DCDC2: variants seen among roughly 807,000 people sequenced by gnomAD.
DCDC2 encodes the protein doublecortin domain containing 2.
In DCDC2, 40 loss-of-function variants were observed where a neutral mutation model predicts 50.2. The observed-to-expected ratio is 0.80, with a 90% CI of 0.62 to 1.04. The LOEUF (loss-of-function observed/expected upper bound fraction) is 1.04. DCDC2 is among the 50% of genes least tolerant of loss of function. The probability of loss-of-function intolerance (pLI) is 0.00; values close to 1 mark genes in which losing one functional copy is unlikely to be tolerated. For missense variants in DCDC2, 570 were observed against 581.9 expected (o/e 0.98, Z 0.21); for synonymous variants, 234 against 210.6 (o/e 1.11, Z -0.96).
At chr6:24,325,723 T>G (rs1225705562) in intron 2 of DCDC2, among the ~76,000 whole-genome samples, 3 of 149,520 alleles carry the variant, frequency 2.0e-5, no homozygotes, top group South Asian at 2.2e-4. Context: ...TCCCTCTCTC[T>G]TCTTCATCAC....
At chr6:24,310,053 AG>A (rs1759545310) in intron 2 of DCDC2, among the ~76,000 whole-genome samples, 1 of 152,248 alleles carries the variant, frequency 6.6e-6, no homozygotes, top group African/African-American at 2.4e-5. Context: ...ATATTAATCA[AG>A]TAAATTCAGA....
chr6:24,266,718 A>C (rs1024952173), intron 7 of DCDC2, among the ~76,000 whole-genome samples: 2 of 152,196 alleles, frequency 1.3e-5, no homozygotes, highest in African/African-American at 4.8e-5. Context: ...GTTGATGGGA[A>C]TGTAAATTAG....
chr6:24,310,007 G>A (rs914840533), intron 2 of DCDC2, among the ~76,000 whole-genome samples: 2 of 151,966 alleles, frequency 1.3e-5, no homozygotes, highest in African/African-American at 4.8e-5. Flanking sequence ...CAAGATATGG[G>A]TAGGTTAAAA....
chr6:24,314,200 T>C (rs1759622038), intron 2 of DCDC2, among the ~76,000 whole-genome samples: 2 of 152,180 alleles, frequency 1.3e-5, no homozygotes, highest in Admixed American at 1.3e-4. Flanking sequence ...GAGCCAGGCA[T>C]GGTGGCTCAT....
rs1202594230 is a variant in DCDC2 at position 24,357,355 on chromosome 6, C to T, written c.293+103G>A. 8.0e-6 allele frequency: 11 copies of T among 1,375,734 alleles called. 1 individual carries two copies. The highest frequency in any genetic ancestry group is 1.1e-5 in the Non-Finnish European group (11 of 1,025,982). 85.2% of individuals were successfully genotyped at this position (1,375,734 alleles called of 1,614,324 possible). A position where few individuals can be genotyped will look rare whatever the true frequency, so the allele number is the denominator to read the frequency against. On this transcript the variant is annotated intron_variant, in intron 1 of 9. Coordinates refer to ENST00000378454, the MANE Select transcript of DCDC2 (RefSeq NM_016356.5). Reference sequence around the variant, plus strand: ...TCAATCACACCGAGAAGTCACAGCCCCTCAACCACTGAGGTGTGGGGGGGT... The same window carrying T: ...TCAATCACACCGAGAAGTCACAGCCTCTCAACCACTGAGGTGTGGGGGGGT...
chr6:24,215,689 A>C (rs1389990059), intron 7 of DCDC2, among the ~76,000 whole-genome samples: 1 of 152,204 alleles, frequency 6.6e-6, no homozygotes, highest in Non-Finnish European at 1.5e-5. Flanking sequence ...ATTTCAAAGC[A>C]ATGAAATGGG....
At chr6:24,270,445 A>C (rs917521434) in intron 7 of DCDC2, among the ~76,000 whole-genome samples, 1 of 152,148 alleles carries the variant, frequency 6.6e-6, no homozygotes, top group Non-Finnish European at 1.5e-5. Flanking sequence ...TGTCACCATA[A>C]TATAGGTATA....
intron 7 of DCDC2, among the ~76,000 whole-genome samples, chr6:24,250,967 C>T (rs183474636): frequency 1.5e-4 from 23 of 152,214 alleles, no homozygotes; most frequent in Admixed American, 1.2e-3. Context: ...GTAACATAAA[C>T]GCCTTGAAAA....
At chr6:24,343,051 C>CTTTTTTT (rs11322032) in intron 2 of DCDC2, among the ~76,000 whole-genome samples, 2 of 124,110 alleles carry the variant, frequency 1.6e-5, no homozygotes, top group Non-Finnish European at 1.7e-5. Flanking sequence ...GGTAAATATT[C>CTTTTTTT]TTTTTTTTTT....
chr6:24,334,165 G>A lies in DCDC2; in HGVS notation c.348+19404C>T, dbSNP rs553641753. On this transcript the variant is annotated intron_variant, in intron 2 of 9. Transcript: ENST00000378454. The stretch of plus-strand genomic sequence containing the variant: ...TAATGTCTTCACTGGAAACTAGCTG[G>A]AACTAACATTGGACAAAGTATCATT... 2.7e-3 allele frequency among the ~76,000 whole-genome samples: 412 copies of A among 152,206 alleles called. 1 individual carries two copies. Among genetic ancestry groups the A allele is most frequent in the Non-Finnish European group, 4.4e-3 (300 of 68,014 alleles).
intron 7 of DCDC2, among the ~76,000 whole-genome samples, chr6:24,250,576 G>A (rs986422031): frequency 2.0e-5 from 3 of 152,120 alleles, no homozygotes; most frequent in Non-Finnish European, 2.9e-5. Flanking sequence ...AAAAGTTACT[G>A]ATGGTAACAT....
intron 7 of DCDC2, among the ~76,000 whole-genome samples, chr6:24,210,508 T>G (rs1246918410): frequency 1.3e-5 from 2 of 152,192 alleles, no homozygotes; most frequent in African/African-American, 4.8e-5. Context: ...GGCCTCAGTT[T>G]CTATATCCAT....
chr6:24,342,205 G>C (rs914748423), intron 2 of DCDC2, among the ~76,000 whole-genome samples: 3 of 152,208 alleles, frequency 2.0e-5, no homozygotes, highest in Non-Finnish European at 2.9e-5. Context: ...TGTCCGTCCA[G>C]GGTGCTATGC....
intron 6 of DCDC2, among the ~76,000 whole-genome samples, chr6:24,287,601 C>T (rs1485504027): frequency 2.0e-5 from 3 of 152,170 alleles, no homozygotes; most frequent in Admixed American, 6.5e-5. Flanking sequence ...CACAAGGGCC[C>T]GGTAAATGTC....
At chr6:24,305,023 T>A (rs1359008710) in intron 2 of DCDC2, among the ~76,000 whole-genome samples, 1 of 152,236 alleles carries the variant, frequency 6.6e-6, no homozygotes, top group Non-Finnish European at 1.5e-5. Context: ...GTTTAAAATC[T>A]TGTTGGGTTA....
chr6:24,318,318 G>C (rs1759709278), intron 2 of DCDC2, among the ~76,000 whole-genome samples: 1 of 152,098 alleles, frequency 6.6e-6, no homozygotes. Flanking sequence ...TGAAGTTGCA[G>C]TAAGGTGTGA....
chr6:24,334,504 AAT>A, intron 2 of DCDC2, among the ~76,000 whole-genome samples: 1 of 152,290 alleles, frequency 6.6e-6, no homozygotes, highest in Admixed American at 6.5e-5. Context: ...ACAAATCATC[AAT>A]AGCTGCTTTC....
chr6:24,287,908 T>C (rs1028024372), intron 6 of DCDC2, among the ~76,000 whole-genome samples: 2 of 152,234 alleles, frequency 1.3e-5, no homozygotes, highest in African/African-American at 4.8e-5. Context: ...AAGAGCTCTA[T>C]TGATTTTTAT....
intron 4 of DCDC2, 62 bp downstream of exon 4, chr6:24,301,653 C>T (rs1288744730): frequency 1.5e-5 from 24 of 1,583,370 alleles, no homozygotes; most frequent in Non-Finnish European, 2.0e-5. Flanking sequence ...GACTCCGGAG[C>T]CTCCTGAGAA....
Sources: allele counts gnomAD v4.1 joint callset (sites outside exome capture counted in the v4.1 genomes callset), GRCh38; gene constraint gnomAD v4.1.1; transcripts MANE v1.5; gene names NCBI Gene and HGNC (gene_info 2026-07-23, HGNC 2026-07-21).